BCL6: variants seen among roughly 807,000 people sequenced by gnomAD.
The protein encoded by BCL6 is B-cell lymphoma 6 protein.
In BCL6, 7 loss-of-function variants were observed where a neutral mutation model predicts 59.5. The ratio of observed to expected loss-of-function variants is 0.12; its 90% CI spans 0.07 to 0.22. The LOEUF is 0.22. Ranked by LOEUF, BCL6 falls within the 10% of genes least tolerant of loss-of-function variation. BCL6 has a pLI of 1.00. For missense variants in BCL6, 685 were observed against 939.4 expected (o/e 0.73, Z 3.54); for synonymous variants, 339 against 349.7 (o/e 0.97, Z 0.34).
rs1164393190 is a variant in BCL6, at chr3:187,740,961, T to TC, written c.-50+4448dup. Among the ~76,000 whole-genome samples the TC allele has an allele frequency of 2.6e-5, 4 of 152,150 alleles. No homozygotes were observed. In the East Asian group the frequency reaches 7.7e-4, roughly 29 times the overall value. ...TCCTTCTGTCAGTCCTAGCATCTGG[T>TC]CAGGGTACCGCCGCCCGGGAGGTGG... is the stretch of plus-strand genomic sequence containing the variant. On this transcript the variant is annotated intron_variant, in intron 1 of 9. Transcript: ENST00000406870.
At chr3:187,745,052 A>T (rs1166860087) in intron 1 of BCL6, among the ~76,000 whole-genome samples, 3 of 150,506 alleles carry the variant, frequency 2.0e-5, no homozygotes, top group African/African-American at 2.5e-5. Context: ...CCTCCTTTCC[A>T]AAAACCAAAA....
chr3:187,729,983 T>C lies in BCL6; in HGVS notation c.422A>G (p.Glu141Gly). The change falls in exon 5 of 10, where the codon GAA becomes GGA. Residue 141 changes from glutamate (E) to glycine (G), a missense_variant. Physicochemically the swap from Glu to Gly is moderately conservative, Grantham distance 98. Around this residue, in one of 7 missense-constraint regions of BCL6, gnomAD observed 268 missense variants for 263.8 expected, o/e 1.02. Transcript: ENST00000406870. This position sits in a 1 kb window ranked among gnomAD's most constrained non-coding sequence, Gnocchi z 5.6. ...CAGCATCCGGCTGTTGAGGAACTCT[T>C]CACGAGGAGGCTTGATGGCAGAAAC... ...EMVSAIKPPR[E>G]EFLNSRMLMP... is the part of the protein sequence containing the mutation. 2 of 1,591,696 alleles carry C rather than the reference T, an allele frequency of 1.3e-6. No homozygotes were observed. Among genetic ancestry groups the C allele is most frequent in the Non-Finnish European group, 1.7e-6 (2 of 1,167,520 alleles).
At chr3:187,735,573 C>CCCTT (rs1719246755) in intron 1 of BCL6, among the ~76,000 whole-genome samples, 1 of 152,206 alleles carries the variant, frequency 6.6e-6, no homozygotes, top group African/African-American at 2.4e-5. Flanking sequence ...AGTGTTCTCT[C>CCCTT]CCTTCCCTAC....
intron 1 of BCL6, among the ~76,000 whole-genome samples, chr3:187,744,288 T>G (rs1042468668): frequency 1.3e-5 from 2 of 152,044 alleles, no homozygotes; most frequent in Admixed American, 6.5e-5. Context: ...CCCCGCACAC[T>G]GAAAGGCATC....
intron 1 of BCL6, among the ~76,000 whole-genome samples, chr3:187,745,165 G>A (rs1314263249): frequency 2.6e-5 from 4 of 152,266 alleles, no homozygotes; most frequent in Admixed American, 6.5e-5. Flanking sequence ...TATGGTGGGA[G>A]AGACGTGGGA....
intron 1 of BCL6, among the ~76,000 whole-genome samples, chr3:187,740,050 C>G (rs909985703): frequency 2.0e-5 from 3 of 152,196 alleles, no homozygotes; most frequent in Admixed American, 1.3e-4. Flanking sequence ...ACTCGATCCC[C>G]GCCGACCCGG....
intron 3 of BCL6, chr3:187,732,282 A>C (rs141418363): frequency 5.2e-6 from 2 of 382,032 alleles, no homozygotes; most frequent in African/African-American, 4.2e-5. Context: ...GCCCCTTTGC[A>C]GTAACTATTC....
At chr3:187,736,749 C>T (rs1043627556) in intron 1 of BCL6, 1 of 108,836 alleles carries the variant, frequency 9.2e-6, no homozygotes, top group Admixed American at 8.5e-5. Context: ...AAGAACCAGC[C>T]CCCCCCAACT....
intron 1 of BCL6, among the ~76,000 whole-genome samples, chr3:187,745,151 A>G (rs183518014): frequency 3.9e-5 from 6 of 152,180 alleles, no homozygotes; most frequent in South Asian, 2.1e-4. Flanking sequence ...AACAATCTAT[A>G]TCCTATGGTG....
chr3:187,721,658 A>G lies in BCL6; in HGVS notation c.*800T>C. ...AGGACACGTTGTACGGGTATATACA[A>G]ACTGAAAACTAGAACAAAATTACAC... On this transcript the variant is annotated 3_prime_UTR_variant, in exon 10 of 10. Coordinates refer to ENST00000406870, the MANE Select transcript of BCL6 (RefSeq NM_001706.5). The surrounding 1 kb of genome is among the most constrained non-coding windows in gnomAD (Gnocchi z 4.2). The G allele has an allele frequency of 4.3e-6, 1 of 233,028 alleles. No individual in the cohort carries two copies. The highest frequency in any genetic ancestry group is 6.1e-5 in the East Asian group (1 of 16,480). The allele number at this position is 233,028 out of a possible 1,614,324, so 14.4% of individuals were successfully genotyped here.
intron 1 of BCL6, among the ~76,000 whole-genome samples, chr3:187,740,173 T>G (rs866370471): frequency 6.6e-6 from 1 of 152,048 alleles, no homozygotes; most frequent in African/African-American, 2.4e-5. Flanking sequence ...GAAAGAAAAC[T>G]TTACGGAGGA....
intron 1 of BCL6, among the ~76,000 whole-genome samples, chr3:187,741,761 T>A (rs969953848): frequency 6.6e-6 from 1 of 152,064 alleles, no homozygotes; most frequent in African/African-American, 2.4e-5. Context: ...TCCACAAACC[T>A]CCTCAACACA....
intron 1 of BCL6, among the ~76,000 whole-genome samples, chr3:187,744,645 A>G (rs568653628): frequency 2.6e-5 from 4 of 152,246 alleles, no homozygotes; most frequent in South Asian, 2.1e-4. Flanking sequence ...TTCGGCTCGA[A>G]GGCAGGGAAT....
intron 6 of BCL6, among the ~76,000 whole-genome samples, chr3:187,727,425 CA>C (rs777550105): frequency 1.3e-5 from 2 of 152,206 alleles, no homozygotes; most frequent in Non-Finnish European, 2.9e-5. Context: ...AGATATAGGT[CA>C]AATTCAATTC....
Position 187,722,331 on chromosome 3 carries a change from C to CCCCA in BCL6, c.*126_*127insTGGG. The CCCCA allele has an allele frequency of 6.9e-6, 6 of 864,866 alleles. No individual in the cohort carries two copies. The highest frequency in any genetic ancestry group is 3.6e-5 in the East Asian group (1 of 27,504). 53.6% of individuals were successfully genotyped at this position (864,866 alleles called of 1,614,324 possible). On this transcript the variant is annotated 3_prime_UTR_variant, in exon 10 of 10. Transcript: ENST00000406870. ...CCCGACCCCCACCACCCCCAACCCCCAGCTATGATTTGCACTAGTGGATGA... is the reference window on the plus strand; with the variant it reads ...CCCGACCCCCACCACCCCCAACCCCCCCCAAGCTATGATTTGCACTAGTGGATGA...
chr3:187,728,523 G>T lies in BCL6; in HGVS notation c.1377C>A (p.Arg459=). The change falls in exon 6 of 10, where the codon CGC becomes CGA. Residue 459 remains arginine (R), a synonymous_variant. Coordinates refer to ENST00000406870, the MANE Select transcript of BCL6 (RefSeq NM_001706.5). ...IVNRSMTGSP[R]SSSESHSPLY... is the part of the protein sequence containing the mutation. ...GTGGTGAGTGGCTCTCGCTGCTGCT[G>T]CGGGGAGAGCCCGTCATGGACCTAT... 1.2e-6 allele frequency: 2 copies of T among 1,609,506 alleles called. No homozygotes were observed. The highest frequency in any genetic ancestry group is 1.7e-6 in the Non-Finnish European group (2 of 1,178,968).
chr3:187,723,736 G>T (rs1196817376), intron 9 of BCL6, among the ~76,000 whole-genome samples: 2 of 152,142 alleles, frequency 1.3e-5, no homozygotes, highest in East Asian at 1.9e-4. Flanking sequence ...GCCATTCACC[G>T]CTGTGTGTCC....
intron 1 of BCL6, chr3:187,737,347 CAGAGAGAGAGAGAGAGAGAGAGAG>C (rs67618905): frequency 0.023 from 1,567 of 68,492 alleles, 38 homozygotes; most frequent in African/African-American, 0.093. Flanking sequence ...GCAGAAACGA[CAGAGAGAGAGAGAGAGAGAGAGAG>C]AGAGAGAGAG....
rs1718448283 is a variant in BCL6, at chr3:187,722,087, C to G, written c.*371G>C. ...TTTTAAAAGAATGCACATTTACATACAAAAGAAACATCTGTTCCCACAAAA... is the reference window on the plus strand; with the variant it reads ...TTTTAAAAGAATGCACATTTACATAGAAAAGAAACATCTGTTCCCACAAAA... On this transcript the variant is annotated 3_prime_UTR_variant, in exon 10 of 10. Coordinates refer to ENST00000406870, the MANE Select transcript of BCL6 (RefSeq NM_001706.5). The G allele has an allele frequency of 4.2e-6, 1 of 237,656 alleles. No individual in the cohort carries two copies. The highest frequency in any genetic ancestry group is 2.2e-5 in the African/African-American group (1 of 45,418). 14.7% of individuals were successfully genotyped at this position (237,656 alleles called of 1,614,324 possible). A position where few individuals can be genotyped will look rare whatever the true frequency, so the allele number is the denominator to read the frequency against.
Sources: allele counts gnomAD v4.1 joint callset (sites outside exome capture counted in the v4.1 genomes callset), GRCh38; gene constraint gnomAD v4.1.1; regional missense constraint gnomAD v4.1.1; non-coding constraint Gnocchi (gnomAD v3.1); transcripts MANE v1.5; gene names NCBI Gene and HGNC (gene_info 2026-07-23, HGNC 2026-07-21).